DOCK3: variants seen among roughly 807,000 people sequenced by gnomAD.
The protein encoded by DOCK3 is dedicator of cytokinesis 3.
DOCK3 carries 60 observed loss-of-function variants against 265.6 expected under a neutral mutation model. The ratio of observed to expected loss-of-function variants is 0.23; its 90% confidence interval spans 0.18 to 0.28. The LOEUF is 0.28. Ranked by LOEUF, DOCK3 falls within the 10% of genes least tolerant of loss-of-function variation. The pLI is 1.00. For missense variants in DOCK3, 1,981 were observed against 2,594.3 expected (o/e 0.76, Z 5.14); for synonymous variants, 881 against 938.0 (o/e 0.94, Z 1.11).
intron 4 of DOCK3, among the ~76,000 whole-genome samples, chr3:50,904,275 C>A (rs1039810224): frequency 1.3e-5 from 2 of 152,160 alleles, no homozygotes; most frequent in Non-Finnish European, 2.9e-5. Flanking sequence ...TGGGTATATA[C>A]CCAGTAATGG....
intron 1 of DOCK3, among the ~76,000 whole-genome samples, chr3:50,693,000 A>G (rs1375996824): frequency 6.6e-6 from 1 of 152,148 alleles, no homozygotes; most frequent in Non-Finnish European, 1.5e-5. Flanking sequence ...TTCTCATTAA[A>G]TGGTCTTGGC....
chr3:51,047,702 A>G (rs2080831856), intron 5 of DOCK3, among the ~76,000 whole-genome samples: 1 of 152,196 alleles, frequency 6.6e-6, no homozygotes, highest in African/African-American at 2.4e-5. Context: ...GAAGAAGGAT[A>G]AAGCCTGAAC....
intron 2 of DOCK3, among the ~76,000 whole-genome samples, chr3:50,841,423 T>C (rs1367069595): frequency 6.6e-6 from 1 of 152,218 alleles, no homozygotes; most frequent in Non-Finnish European, 1.5e-5. Context: ...ACATGTCCTC[T>C]GAAGTCTTTT....
intron 5 of DOCK3, among the ~76,000 whole-genome samples, chr3:51,054,989 C>T (rs1271128483): frequency 6.6e-6 from 1 of 151,968 alleles, no homozygotes; most frequent in African/African-American, 2.4e-5. Context: ...ATATGGTGTT[C>T]TTTGTCCATT....
chr3:51,172,624 T>A (rs1463697279), intron 12 of DOCK3, among the ~76,000 whole-genome samples: 2 of 152,248 alleles, frequency 1.3e-5, no homozygotes, highest in African/African-American at 4.8e-5. Flanking sequence ...AATTGATAGG[T>A]AAGAAGTTAC....
chr3:50,719,814 C>T lies in DOCK3; in HGVS notation c.37+44514C>T, dbSNP rs116115739. On this transcript the variant is annotated intron_variant, in intron 1 of 52. Coordinates refer to ENST00000266037, the MANE Select transcript of DOCK3 (RefSeq NM_004947.5). The stretch of plus-strand genomic sequence containing the variant: ...CTGACACATAAACTCTGGAATAATT[C>T]TGTGAAAGCAGGAACACTTATAACC... 1,330 of 781,288 alleles carry T rather than the reference C, an allele frequency of 1.7e-3. 9 individuals are homozygous for T. In the African/African-American group the frequency reaches 0.019, roughly 11 times the overall value. 48.4% of individuals were successfully genotyped at this position (781,288 alleles called of 1,614,324 possible).
rs116492618 is a variant in DOCK3, at chr3:50,880,360, C to T, written c.163-9666C>T. 9.2e-3 allele frequency among the ~76,000 whole-genome samples: 1,399 copies of T among 151,964 alleles called. 11 individuals are homozygous for T. The highest frequency in any genetic ancestry group is 0.014 in the Admixed American group (219 of 15,264). On this transcript the variant is annotated intron_variant, in intron 3 of 52. Transcript: ENST00000266037. ...GGAGCTGGTTTTTTGAAAAGATGAA[C>T]GAAATTGATAGACCACTAGCAAGTC...
At chr3:51,186,749 T>C (rs1278988799) in intron 12 of DOCK3, among the ~76,000 whole-genome samples, 1 of 152,198 alleles carries the variant, frequency 6.6e-6, no homozygotes, top group Non-Finnish European at 1.5e-5. Flanking sequence ...AATGTAAACC[T>C]TGGGCCGTGG....
At chr3:50,693,309 G>T (rs527447594) in intron 1 of DOCK3, among the ~76,000 whole-genome samples, 1 of 152,214 alleles carries the variant, frequency 6.6e-6, no homozygotes, top group South Asian at 2.1e-4. Flanking sequence ...TCTGTAGATT[G>T]CTTTGGGCAG....
intron 9 of DOCK3, among the ~76,000 whole-genome samples, chr3:51,101,153 G>A (rs1385271661): frequency 2.4e-3 from 313 of 128,364 alleles, no homozygotes; most frequent in African/African-American, 9.0e-3. Context: ...TCACTCTGTC[G>A]CCCAGGCCGG....
chr3:50,806,873 G>A (rs2043453211), intron 2 of DOCK3, among the ~76,000 whole-genome samples: 1 of 152,114 alleles, frequency 6.6e-6, no homozygotes, highest in African/African-American at 2.4e-5. Context: ...CCAACCTGGA[G>A]CAGTGCAGTT....
At chr3:51,039,311 C>A (rs1485594693) in intron 5 of DOCK3, among the ~76,000 whole-genome samples, 1 of 152,012 alleles carries the variant, frequency 6.6e-6, no homozygotes, top group Admixed American at 6.6e-5. Flanking sequence ...TTTATTTTTA[C>A]TTCTAGTTTG....
At chr3:51,229,462 A>T in intron 18 of DOCK3, 50 bp from the exon 19 acceptor site, 1 of 1,385,090 alleles carries the variant, frequency 7.2e-7, no homozygotes, top group Non-Finnish European at 9.7e-7. Context: ...AAAAAAAAAA[A>T]AGAATATCCA....
intron 1 of DOCK3, among the ~76,000 whole-genome samples, chr3:50,771,355 T>A: frequency 6.6e-6 from 1 of 152,176 alleles, no homozygotes; most frequent in Non-Finnish European, 1.5e-5. Context: ...GTGCTCAACA[T>A]CATTGATCAT....
chr3:51,061,365 T>C (rs934123556), intron 5 of DOCK3, among the ~76,000 whole-genome samples: 4 of 152,268 alleles, frequency 2.6e-5, no homozygotes, highest in Non-Finnish European at 4.4e-5. Flanking sequence ...ATATACACCA[T>C]TGAATACAAT....
intron 21 of DOCK3, among the ~76,000 whole-genome samples, chr3:51,238,674 C>T (rs2108495007): frequency 6.6e-6 from 1 of 152,200 alleles, no homozygotes; most frequent in South Asian, 2.1e-4. Flanking sequence ...GCATTCTCGT[C>T]ATGTAGCTCC....
intron 10 of DOCK3, among the ~76,000 whole-genome samples, chr3:51,148,557 A>G (rs1275814814): frequency 6.6e-6 from 1 of 152,220 alleles, no homozygotes; most frequent in South Asian, 2.1e-4. Flanking sequence ...AGTTTTCTAC[A>G]TATGGCTAGC....
chr3:51,293,292 G>A (rs2081892138), intron 27 of DOCK3, among the ~76,000 whole-genome samples: 2 of 152,248 alleles, frequency 1.3e-5, no homozygotes, highest in South Asian at 2.1e-4. Context: ...TTGACCAATA[G>A]AAGAGGATAG....
At chr3:50,720,131 CT>C (rs869087895) in intron 1 of DOCK3, among the ~76,000 whole-genome samples, 3 of 151,498 alleles carry the variant, frequency 2.0e-5, no homozygotes, top group African/African-American at 7.3e-5. Context: ...TACCTGGAAT[CT>C]TTTTTTTTAA....
Sources: allele counts gnomAD v4.1 joint callset (sites outside exome capture counted in the v4.1 genomes callset), GRCh38; gene constraint gnomAD v4.1.1; transcripts MANE v1.5; gene names NCBI Gene and HGNC (gene_info 2026-07-23, HGNC 2026-07-21).